The following WWOX variants were observed in gnomAD, a reference collection of about 807,000 sequenced individuals.
WWOX encodes WW domain containing oxidoreductase.
A neutral mutation model predicts 46.2 loss-of-function variants in WWOX; 69 were observed. The ratio of observed to expected loss-of-function variants is 1.49; its 90% CI spans 1.23 to 1.82. The LOEUF is 1.82. Among genes scored for constraint, WWOX ranks in the 40% most tolerant of loss-of-function variants. The probability of loss-of-function intolerance (pLI) is 0.00; values close to 1 mark genes in which losing one functional copy is unlikely to be tolerated. For missense variants in WWOX, 919 were observed against 542.6 expected (o/e 1.69, Z -6.89); for synonymous variants, 359 against 202.6 (o/e 1.77, Z -6.56).
intron 8 of WWOX, among the ~76,000 whole-genome samples, chr16:78,718,376 A>G (rs1447257194): frequency 1.3e-5 from 2 of 152,120 alleles, no homozygotes; most frequent in African/African-American, 4.8e-5. Context: ...AGAAGTTATC[A>G]TTGTGTTTTT....
intron 8 of WWOX, among the ~76,000 whole-genome samples, chr16:78,740,668 G>A (rs1175306545): frequency 6.6e-6 from 1 of 152,148 alleles, no homozygotes; most frequent in Non-Finnish European, 1.5e-5. Flanking sequence ...AAAGGTTAAT[G>A]TGTTGTTATG....
At chr16:78,789,741 G>C (rs1042504846) in intron 8 of WWOX, among the ~76,000 whole-genome samples, 45 of 152,276 alleles carry the variant, frequency 3.0e-4, no homozygotes, top group African/African-American at 1.0e-3. Context: ...GCTCTTGTGA[G>C]CCACGGTTGG....
At chr16:79,141,728 C>T (rs991516997) in intron 8 of WWOX, among the ~76,000 whole-genome samples, 10 of 151,098 alleles carry the variant, frequency 6.6e-5, no homozygotes, top group Non-Finnish European at 1.0e-4. Context: ...ATAAGCCCGT[C>T]TAGCACGGAG....
chr16:78,492,257 G>A (rs570293714), intron 8 of WWOX, among the ~76,000 whole-genome samples: 40 of 152,318 alleles, frequency 2.6e-4, no homozygotes, highest in African/African-American at 9.4e-4. Context: ...GAGGTTGGAC[G>A]AGACACTCAT....
intron 8 of WWOX, among the ~76,000 whole-genome samples, chr16:79,174,872 A>G (rs1161991891): frequency 6.6e-6 from 1 of 152,242 alleles, no homozygotes; most frequent in Admixed American, 6.5e-5. Flanking sequence ...TTGAGCCTTT[A>G]CTAGATGCCA....
At chr16:79,120,753 C>A (rs1351295579) in intron 8 of WWOX, among the ~76,000 whole-genome samples, 1 of 152,048 alleles carries the variant, frequency 6.6e-6, no homozygotes, top group Non-Finnish European at 1.5e-5. Flanking sequence ...CTGAAATTTC[C>A]CTCTGCGTTT....
intron 8 of WWOX, among the ~76,000 whole-genome samples, chr16:78,774,531 TGCGC>T (rs1555532883): frequency 1.4e-5 from 2 of 144,252 alleles, no homozygotes; most frequent in African/African-American, 2.8e-5. Flanking sequence ...TGTGTGTGTG[TGCGC>T]GTGCGCACAC....
rs539800760 is a variant in WWOX, at chr16:78,868,942, C to T, written c.1057-342666C>T. 1.1e-4 allele frequency among the ~76,000 whole-genome samples: 16 copies of T among 152,206 alleles called. No individual in the cohort carries two copies. The South Asian group carries it at 1.7e-3, about 16-fold the overall frequency. ...CCATTAAAACACACCTGCGTGCAAA[C>T]GTCCATACACACCCATGTACACACA... On this transcript the variant is annotated intron_variant, in intron 8 of 8. Transcript: ENST00000566780.
chr16:78,429,454 G>C (rs1017956805), intron 7 of WWOX, among the ~76,000 whole-genome samples: 2 of 152,164 alleles, frequency 1.3e-5, no homozygotes, highest in African/African-American at 4.8e-5. Flanking sequence ...TCATTATGGA[G>C]AGCTTCCTGG....
chr16:78,869,592 C>G (rs938030670), intron 8 of WWOX, among the ~76,000 whole-genome samples: 1 of 152,166 alleles, frequency 6.6e-6, no homozygotes, highest in African/African-American at 2.4e-5. Flanking sequence ...AGGATTTTGA[C>G]ACTGCGCATG....
At chr16:78,171,418 C>T (rs992625058) in intron 5 of WWOX, among the ~76,000 whole-genome samples, 1 of 152,028 alleles carries the variant, frequency 6.6e-6, no homozygotes, top group African/African-American at 2.4e-5. Flanking sequence ...GCTTAAGTCC[C>T]ATGATTTGCC....
intron 8 of WWOX, among the ~76,000 whole-genome samples, chr16:78,729,633 C>T (rs946152597): frequency 6.6e-6 from 1 of 152,096 alleles, no homozygotes; most frequent in Admixed American, 6.5e-5. Context: ...GAAGCACAGT[C>T]CTGCTAACTC....
intron 8 of WWOX, among the ~76,000 whole-genome samples, chr16:78,919,465 C>T (rs1184362639): frequency 6.6e-6 from 1 of 151,788 alleles, no homozygotes; most frequent in Non-Finnish European, 1.5e-5. Context: ...TACCTTCTAA[C>T]AGCAATCAGT....
intron 8 of WWOX, among the ~76,000 whole-genome samples, chr16:78,579,715 A>T (rs892663294): frequency 3.3e-5 from 5 of 152,200 alleles, no homozygotes; most frequent in African/African-American, 1.2e-4. Flanking sequence ...GTGTGTTTTC[A>T]CTTCTTCTTT....
At chr16:78,723,660 G>C (rs1415441419) in intron 8 of WWOX, among the ~76,000 whole-genome samples, 3 of 82,160 alleles carry the variant, frequency 3.7e-5, no homozygotes, top group African/African-American at 5.8e-5. Context: ...TACCTCTCGG[G>C]ATTCTGAGAG....
chr16:78,537,542 C>T (rs968545893), intron 8 of WWOX, among the ~76,000 whole-genome samples: 6 of 152,124 alleles, frequency 3.9e-5, no homozygotes, highest in South Asian at 2.1e-4. Flanking sequence ...TCTTATAATC[C>T]GATTGGTCAT....
chr16:78,457,512 C>T (rs1567584724), intron 8 of WWOX, among the ~76,000 whole-genome samples: 2 of 151,974 alleles, frequency 1.3e-5, no homozygotes, highest in African/African-American at 4.8e-5. Flanking sequence ...ATTCACCAAT[C>T]TTTTTTTTCC....
At chr16:78,987,963 C>A (rs556488859) in intron 8 of WWOX, among the ~76,000 whole-genome samples, 2 of 151,894 alleles carry the variant, frequency 1.3e-5, no homozygotes, top group East Asian at 3.9e-4. Flanking sequence ...GTAACAAACC[C>A]AAATTGAGTA....
intron 4 of WWOX, among the ~76,000 whole-genome samples, chr16:78,161,679 G>A (rs1359347359): frequency 6.6e-6 from 1 of 152,092 alleles, no homozygotes; most frequent in Non-Finnish European, 1.5e-5. Flanking sequence ...GGTCACAAGT[G>A]ATCCTCATGC....
Sources: allele counts gnomAD v4.1 joint callset (sites outside exome capture counted in the v4.1 genomes callset), GRCh38; gene constraint gnomAD v4.1.1; transcripts MANE v1.5; gene names NCBI Gene and HGNC (gene_info 2026-07-23, HGNC 2026-07-21).